NFKB1: variants seen among roughly 807,000 people sequenced by gnomAD.
NFKB1 encodes nuclear factor kappa B subunit 1.
NFKB1 carries 9 observed loss-of-function variants against 105.1 expected under a neutral mutation model. That is an observed-to-expected ratio of 0.09 (90% CI 0.05 to 0.15). NFKB1 has a LOEUF of 0.15. Ranked by LOEUF, NFKB1 falls within the 10% of genes least tolerant of loss-of-function variation. The pLI is 1.00. For synonymous variants in NFKB1, 440 were observed against 442.2 expected (o/e 1.00, Z 0.06); for missense variants, 830 against 1,203.7 (o/e 0.69, Z 4.59).
chr4:102,610,758 G>A, intron 20 of NFKB1, 59 bp downstream of exon 20: 1 of 1,585,722 alleles, frequency 6.3e-7, no homozygotes, highest in Non-Finnish European at 8.6e-7. Context: ...GTTCAGGAAT[G>A]TAAGAACAGA....
At chr4:102,548,346 A>G (rs1185000458) in intron 5 of NFKB1, among the ~76,000 whole-genome samples, 1 of 152,146 alleles carries the variant, frequency 6.6e-6, no homozygotes, top group Non-Finnish European at 1.5e-5. Flanking sequence ...CCAGTCAGGT[A>G]GGCTATATGT....
At chr4:102,502,044 G>A (rs563508127) in intron 1 of NFKB1, 1 of 152,448 alleles carries the variant, frequency 6.6e-6, no homozygotes, top group South Asian at 2.1e-4. Flanking sequence ...TTCTCTTCAC[G>A]TCCCTCCGCG....
intron 2 of NFKB1, among the ~76,000 whole-genome samples, chr4:102,526,840 T>C (rs1560642892): frequency 1.3e-5 from 2 of 152,140 alleles, no homozygotes; most frequent in Non-Finnish European, 2.9e-5. Flanking sequence ...TTGGAAAAAA[T>C]AAATAGAAAT....
intron 13 of NFKB1, 123 bp downstream of exon 13, chr4:102,595,104 A>G: frequency 1.7e-6 from 1 of 586,046 alleles, no homozygotes; most frequent in Non-Finnish European, 3.0e-6. Context: ...ATGAATGCAA[A>G]TAAACTAAGA....
At chr4:102,598,656 G>C (rs1726855783) in intron 15 of NFKB1, among the ~76,000 whole-genome samples, 1 of 152,136 alleles carries the variant, frequency 6.6e-6, no homozygotes, top group Admixed American at 6.5e-5. Flanking sequence ...TCTTTTTCAG[G>C]GTTAAATAAT....
intron 6 of NFKB1, among the ~76,000 whole-genome samples, chr4:102,571,562 G>A (rs1209267345): frequency 1.3e-5 from 2 of 152,086 alleles, no homozygotes; most frequent in African/African-American, 4.8e-5. Context: ...CAGAATGGGA[G>A]AAAATTTTTA....
intron 11 of NFKB1, among the ~76,000 whole-genome samples, chr4:102,592,159 AAGT>A (rs1308794936): frequency 6.6e-6 from 1 of 152,232 alleles, no homozygotes; most frequent in African/African-American, 2.4e-5. Flanking sequence ...TGAGCAAAGA[AAGT>A]AGTTTCTTGA....
chr4:102,536,413 G>A (rs1009554056), intron 4 of NFKB1, among the ~76,000 whole-genome samples: 4 of 152,092 alleles, frequency 2.6e-5, no homozygotes, highest in African/African-American at 4.8e-5. Flanking sequence ...TTCCCAGACC[G>A]GGGAATTTAC....
At chr4:102,518,072 A>G (rs1197125509) in intron 1 of NFKB1, among the ~76,000 whole-genome samples, 2 of 152,210 alleles carry the variant, frequency 1.3e-5, no homozygotes, top group Non-Finnish European at 2.9e-5. Context: ...TGTTGGAAAG[A>G]AGGGGCAGAT....
At chr4:102,616,400 A>G in intron 23 of NFKB1, 34 bp from the exon 24 acceptor site, 1 of 1,610,120 alleles carries the variant, frequency 6.2e-7, no homozygotes, top group South Asian at 1.1e-5. Context: ...GAGCCCGGCC[A>G]TTCCCCCAGT....
At chr4:102,587,053 A>T (rs567943856) in intron 11 of NFKB1, among the ~76,000 whole-genome samples, 1 of 152,234 alleles carries the variant, frequency 6.6e-6, no homozygotes, top group Non-Finnish European at 1.5e-5. Flanking sequence ...TGTCAGCACA[A>T]TAACTTTTCT....
At chr4:102,595,120 CT>C in intron 13 of NFKB1, 139 bp downstream of exon 13, 1 of 545,872 alleles carries the variant, frequency 1.8e-6, no homozygotes, top group Non-Finnish European at 3.2e-6. Context: ...TAAGAAGATA[CT>C]TTTCCCAAAA....
chr4:102,610,475 A>T (rs1728292950), intron 19 of NFKB1, 100 bp from the exon 20 acceptor site: 1 of 1,264,410 alleles, frequency 7.9e-7, no homozygotes, highest in African/African-American at 1.5e-5. Context: ...GATTGCCTCA[A>T]GCTGCTACAT....
In NFKB1 at chr4:102,568,835, C is replaced by T. The variant is rs575923148; in HGVS notation, c.407+1700C>T. Among the ~76,000 whole-genome samples the T allele has an allele frequency of 7.2e-5, 11 of 152,150 alleles. No individual in the cohort carries two copies. The South Asian group carries it at 2.1e-3, about 29-fold the overall frequency. ...CTTGTAGTGCAGTGGGTTGTGGGCT[C>T]AGTAGTTGGGAGAACTCATCAGTCA... is the stretch of plus-strand genomic sequence containing the variant. On this transcript the variant is annotated intron_variant, in intron 6 of 23. Coordinates refer to ENST00000226574, the MANE Select transcript of NFKB1 (RefSeq NM_003998.4).
chr4:102,611,894 G>C (rs769406477), intron 20 of NFKB1, 150 bp from the exon 21 acceptor site: 1 of 632,740 alleles, frequency 1.6e-6, no homozygotes, highest in Admixed American at 2.7e-5. Flanking sequence ...TATTCTTGGA[G>C]GGTGGTCCTG....
At chr4:102,531,671 A>G (rs1408164763) in intron 3 of NFKB1, among the ~76,000 whole-genome samples, 1 of 152,214 alleles carries the variant, frequency 6.6e-6, no homozygotes, top group Non-Finnish European at 1.5e-5. Context: ...CCTTAAAACA[A>G]CAAATACATG....
chr4:102,560,767 T>C (rs1723360017), intron 5 of NFKB1, among the ~76,000 whole-genome samples: 1 of 152,190 alleles, frequency 6.6e-6, no homozygotes, highest in Non-Finnish European at 1.5e-5. Flanking sequence ...ATCTACAAAA[T>C]AGGGGTAATA....
At chr4:102,560,876 T>G (rs1283288345) in intron 5 of NFKB1, among the ~76,000 whole-genome samples, 1 of 152,202 alleles carries the variant, frequency 6.6e-6, no homozygotes, top group South Asian at 2.1e-4. Flanking sequence ...GTACCTACCA[T>G]GTACCAGGGA....
chr4:102,576,759 T>C, intron 6 of NFKB1, 117 bp from the exon 7 acceptor site: 2 of 1,082,916 alleles, frequency 1.8e-6, no homozygotes, highest in South Asian at 3.2e-5. Context: ...GAGATTTGTA[T>C]AAAGCATTGA....
Sources: allele counts gnomAD v4.1 joint callset (sites outside exome capture counted in the v4.1 genomes callset), GRCh38; gene constraint gnomAD v4.1.1; transcripts MANE v1.5; gene names NCBI Gene and HGNC (gene_info 2026-07-23, HGNC 2026-07-21).